AGMO: variants seen among roughly 807,000 people sequenced by gnomAD.
AGMO encodes glyceryl-ether monooxygenase.
A neutral mutation model predicts 60.2 loss-of-function variants in AGMO; 75 were observed. The observed-to-expected ratio is 1.25, with a 90% CI of 1.03 to 1.51. AGMO has a LOEUF of 1.51. AGMO is among the 40% of genes most tolerant of loss of function. The pLI, the probability that AGMO is intolerant of heterozygous loss-of-function variation, is 0.00. For missense variants in AGMO, 763 were observed against 525.5 expected (o/e 1.45, Z -4.42); for synonymous variants, 261 against 177.1 (o/e 1.47, Z -3.76).
chr7:15,338,404 G>C (rs1781730024), intron 12 of AGMO, among the ~76,000 whole-genome samples: 1 of 152,010 alleles, frequency 6.6e-6, no homozygotes, highest in Non-Finnish European at 1.5e-5. Context: ...TCAAATTATT[G>C]TTAAACAAAA....
chr7:15,340,133 C>T (rs1000321660), intron 12 of AGMO, among the ~76,000 whole-genome samples: 4 of 152,084 alleles, frequency 2.6e-5, no homozygotes, highest in Non-Finnish European at 4.4e-5. Context: ...GGAACCCAAG[C>T]CTAAACTCAA....
intron 3 of AGMO, among the ~76,000 whole-genome samples, chr7:15,450,749 T>C (rs773924337): frequency 1.3e-5 from 2 of 152,178 alleles, no homozygotes; most frequent in Non-Finnish European, 1.5e-5. Context: ...TGCTCATGAA[T>C]GTATGTAACT....
At chr7:15,484,776 A>T (rs906400437) in intron 3 of AGMO, among the ~76,000 whole-genome samples, 1 of 152,162 alleles carries the variant, frequency 6.6e-6, no homozygotes, top group African/African-American at 2.4e-5. Context: ...AAGCATTTCT[A>T]AAATTATATG....
chr7:15,247,776 A>T (rs925223161), intron 12 of AGMO, among the ~76,000 whole-genome samples: 1 of 152,136 alleles, frequency 6.6e-6, no homozygotes, highest in African/African-American at 2.4e-5. Context: ...TTTTCATTGA[A>T]TAAAAAATTT....
chr7:15,310,347 A>G (rs2128531394), intron 12 of AGMO, among the ~76,000 whole-genome samples: 1 of 152,218 alleles, frequency 6.6e-6, no homozygotes, highest in Non-Finnish European at 1.5e-5. Context: ...ACTCTGGAGT[A>G]AGGGGCCCCT....
At chr7:15,135,823 CTTT>C in the AGMO span, among the ~76,000 whole-genome samples, 1 of 150,794 alleles carries the variant, frequency 6.6e-6, no homozygotes, top group Non-Finnish European at 1.5e-5. Flanking sequence ...AAGATGAGGA[CTTT>C]TTTTTTCCTT....
intron 12 of AGMO, among the ~76,000 whole-genome samples, chr7:15,284,039 T>C (rs1231118336): frequency 6.6e-6 from 1 of 151,924 alleles, no homozygotes. Flanking sequence ...TGAATGATAA[T>C]AGTGATGTAA....
chr7:15,342,094 GA>G (rs1434688453), intron 12 of AGMO, among the ~76,000 whole-genome samples: 1 of 143,330 alleles, frequency 7.0e-6, no homozygotes, highest in Non-Finnish European at 1.5e-5. Context: ...TGAATCATAG[GA>G]TGCATTTAGA....
chr7:15,352,149 C>T (rs948976620), intron 12 of AGMO, among the ~76,000 whole-genome samples: 3 of 152,114 alleles, frequency 2.0e-5, no homozygotes, highest in Admixed American at 2.0e-4. Context: ...AACCATTTCA[C>T]GGACTGTTAG....
the AGMO span, among the ~76,000 whole-genome samples, chr7:15,184,890 A>G: frequency 7.1e-5 from 2 of 28,262 alleles, no homozygotes; most frequent in South Asian, 4.1e-3. Flanking sequence ...GAAGGAATGA[A>G]GGAAAGAAGG....
chr7:15,222,758 TTCTC>T (rs1020651601), intron 12 of AGMO, among the ~76,000 whole-genome samples: 28 of 152,140 alleles, frequency 1.8e-4, no homozygotes, highest in Admixed American at 3.3e-4. Context: ...TCCCCTATCT[TTCTC>T]TCTCTGTCTC....
At chr7:15,402,041 A>C (rs1344534129) in intron 5 of AGMO, among the ~76,000 whole-genome samples, 1 of 149,330 alleles carries the variant, frequency 6.7e-6, no homozygotes, top group Non-Finnish European at 1.5e-5. Flanking sequence ...GGAAATACTA[A>C]GCCCAGCTTC....
intron 10 of AGMO, among the ~76,000 whole-genome samples, chr7:15,369,117 T>G (rs921658671): frequency 6.6e-6 from 1 of 152,076 alleles, no homozygotes; most frequent in African/African-American, 2.4e-5. Context: ...AGAGATATAT[T>G]TAAAATATAT....
intron 5 of AGMO, among the ~76,000 whole-genome samples, chr7:15,398,225 A>G (rs1488496017): frequency 6.6e-6 from 1 of 152,130 alleles, no homozygotes; most frequent in Non-Finnish European, 1.5e-5. Flanking sequence ...GTAAAGCCAC[A>G]CAAATGGTGA....
chr7:15,476,268 C>G (rs1782591270), intron 3 of AGMO, among the ~76,000 whole-genome samples: 1 of 152,082 alleles, frequency 6.6e-6, no homozygotes, highest in South Asian at 2.1e-4. Flanking sequence ...AAAACAGTAT[C>G]TAACATTTCA....
intron 3 of AGMO, among the ~76,000 whole-genome samples, chr7:15,451,425 T>A (rs1445805148): frequency 1.3e-5 from 2 of 152,108 alleles, no homozygotes; most frequent in Admixed American, 6.6e-5. Context: ...TTAAACTGGA[T>A]AATTTATAAA....
chr7:15,189,645 C>G, the AGMO span, among the ~76,000 whole-genome samples: 2 of 152,016 alleles, frequency 1.3e-5, no homozygotes, highest in Admixed American at 6.6e-5. Context: ...CCTTCCATAC[C>G]ACTCCAGGAT....
intron 12 of AGMO, among the ~76,000 whole-genome samples, chr7:15,239,403 T>C (rs1782523076): frequency 6.6e-6 from 1 of 152,118 alleles, no homozygotes; most frequent in Admixed American, 6.5e-5. Flanking sequence ...AGCAAGTTGC[T>C]TGGGTTAGAG....
chr7:15,470,137 A>C (rs1782411135), intron 3 of AGMO, among the ~76,000 whole-genome samples: 2 of 152,040 alleles, frequency 1.3e-5, no homozygotes, highest in African/African-American at 4.8e-5. Flanking sequence ...AATGGAAGGC[A>C]GATGGATATT....
Sources: allele counts gnomAD v4.1 joint callset (sites outside exome capture counted in the v4.1 genomes callset), GRCh38; gene constraint gnomAD v4.1.1; transcripts MANE v1.5; gene names NCBI Gene and HGNC (gene_info 2026-07-23, HGNC 2026-07-21).